The following PLXNA4 variants were observed in gnomAD, a reference collection of about 807,000 sequenced individuals.
PLXNA4 encodes the protein plexin-A4.
In PLXNA4, 44 loss-of-function variants were observed where a neutral mutation model predicts 191.8. The observed-to-expected ratio is 0.23, with a 90% CI of 0.18 to 0.29. The LOEUF is 0.29. Among genes scored for constraint, PLXNA4 ranks in the 10% least tolerant of loss-of-function variants. PLXNA4 has a pLI of 1.00. For missense variants in PLXNA4, 1,800 were observed against 2,488.8 expected, an observed-to-expected ratio of 0.72 and a Z score of 5.89; for synonymous variants, 1,082 against 1,009.5, an observed-to-expected ratio of 1.07 and a Z score of -1.36.
chr7:132,420,921 T>C (rs1374830088), intron 3 of PLXNA4, among the ~76,000 whole-genome samples: 1 of 152,220 alleles, frequency 6.6e-6, no homozygotes, highest in Non-Finnish European at 1.5e-5. Flanking sequence ...TTTTGAGGTC[T>C]CCCCAGCCAT....
chr7:132,371,553 T>C (rs769343702), intron 3 of PLXNA4, among the ~76,000 whole-genome samples: 2 of 151,834 alleles, frequency 1.3e-5, no homozygotes, highest in Non-Finnish European at 2.9e-5. Context: ...CCCCTAGGAG[T>C]TCATAAAACT....
At chr7:132,525,728 A>T (rs1034474680) in intron 1 of PLXNA4, among the ~76,000 whole-genome samples, 2 of 152,162 alleles carry the variant, frequency 1.3e-5, no homozygotes, top group South Asian at 4.1e-4. Flanking sequence ...CTCCAGACCC[A>T]CAGGATTATA....
chr7:132,260,727 G>A (rs772408891), intron 4 of PLXNA4, among the ~76,000 whole-genome samples: 1 of 152,080 alleles, frequency 6.6e-6, no homozygotes, highest in Non-Finnish European at 1.5e-5. Context: ...GGTTGTGGGA[G>A]TGGAGAGGGA....
chr7:132,220,682 G>T (rs910769506), intron 9 of PLXNA4, among the ~76,000 whole-genome samples: 1 of 152,014 alleles, frequency 6.6e-6, no homozygotes, highest in Non-Finnish European at 1.5e-5. Flanking sequence ...TGAATCCCCA[G>T]CAGTCTTTGC....
chr7:132,341,166 T>C (rs1413433055), intron 3 of PLXNA4, among the ~76,000 whole-genome samples: 1 of 152,196 alleles, frequency 6.6e-6, no homozygotes, highest in Non-Finnish European at 1.5e-5. Flanking sequence ...CTGAATTCTA[T>C]CTGAGGATAA....
intron 4 of PLXNA4, among the ~76,000 whole-genome samples, chr7:132,266,823 C>A (rs551815654): frequency 1.3e-5 from 2 of 152,330 alleles, no homozygotes; most frequent in African/African-American, 4.8e-5. Flanking sequence ...AGGGTACAGT[C>A]TGGTCATCAA....
At chr7:132,486,761 C>T (rs923572207) in intron 3 of PLXNA4, among the ~76,000 whole-genome samples, 4 of 152,184 alleles carry the variant, frequency 2.6e-5, no homozygotes, top group East Asian at 1.9e-4. Context: ...ATGGGAATGC[C>T]GGCCGCGGTT....
intron 3 of PLXNA4, among the ~76,000 whole-genome samples, chr7:132,437,263 C>T (rs1795506859): frequency 6.6e-6 from 1 of 152,166 alleles, no homozygotes; most frequent in African/African-American, 2.4e-5. Context: ...GAACATGGCG[C>T]ATAGGAAGAT....
intron 14 of PLXNA4, among the ~76,000 whole-genome samples, chr7:132,191,593 C>T (rs963074255): frequency 7.2e-5 from 11 of 152,192 alleles, no homozygotes; most frequent in African/African-American, 2.4e-4. Flanking sequence ...TTCAGGATCA[C>T]TGCCAAGAAC....
intron 16 of PLXNA4, among the ~76,000 whole-genome samples, chr7:132,182,887 C>G (rs76014359): frequency 6.6e-6 from 1 of 152,074 alleles, no homozygotes; most frequent in Non-Finnish European, 1.5e-5. Flanking sequence ...TCTTGTGTAA[C>G]CTTTCAAAAG....
At chr7:132,178,178 T>C (rs888834707) in intron 20 of PLXNA4, among the ~76,000 whole-genome samples, 1 of 152,184 alleles carries the variant, frequency 6.6e-6, no homozygotes, top group Non-Finnish European at 1.5e-5. Context: ...CTTACCTTCC[T>C]GCTAGAGGAA....
intron 3 of PLXNA4, among the ~76,000 whole-genome samples, chr7:132,448,482 T>C (rs1427331800): frequency 3.9e-5 from 6 of 152,174 alleles, no homozygotes; most frequent in Admixed American, 6.5e-5. Flanking sequence ...GGGTGCCCAG[T>C]CATGTGGTCA....
chr7:132,454,039 G>A (rs1796225507), intron 3 of PLXNA4, among the ~76,000 whole-genome samples: 1 of 152,196 alleles, frequency 6.6e-6, no homozygotes, highest in Non-Finnish European at 1.5e-5. Context: ...TCTGGTGTGG[G>A]CAACAGCCTA....
At chr7:132,479,495 C>T (rs1283379425) in intron 3 of PLXNA4, among the ~76,000 whole-genome samples, 1 of 152,158 alleles carries the variant, frequency 6.6e-6, no homozygotes, top group Non-Finnish European at 1.5e-5. Flanking sequence ...TGCAGCTGTG[C>T]CATAACACAG....
intron 3 of PLXNA4, among the ~76,000 whole-genome samples, chr7:132,377,211 G>GA (rs1008967331): frequency 5.9e-5 from 9 of 152,092 alleles, no homozygotes; most frequent in African/African-American, 1.7e-4. Flanking sequence ...GACCCAGTTG[G>GA]AAAAAACCCA....
chr7:132,327,340 A>G (rs541513169), intron 3 of PLXNA4, among the ~76,000 whole-genome samples: 45 of 152,000 alleles, frequency 3.0e-4, no homozygotes, highest in Non-Finnish European at 5.1e-4. Flanking sequence ...GTACTGAGAA[A>G]TAAGTTAGTC....
intron 3 of PLXNA4, among the ~76,000 whole-genome samples, chr7:132,358,023 T>C (rs1803781021): frequency 6.6e-6 from 1 of 152,222 alleles, no homozygotes; most frequent in South Asian, 2.1e-4. Context: ...AATATATTTT[T>C]TTCCCAGCCA....
chr7:132,302,609 A>C (rs573786317), intron 3 of PLXNA4, among the ~76,000 whole-genome samples: 1 of 151,694 alleles, frequency 6.6e-6, no homozygotes, highest in African/African-American at 2.4e-5. Context: ...AAGATTTCAT[A>C]GAAAAACAGA....
At chr7:132,204,411 T>A (rs1364608778) in intron 10 of PLXNA4, among the ~76,000 whole-genome samples, 3 of 152,218 alleles carry the variant, frequency 2.0e-5, no homozygotes, top group African/African-American at 7.2e-5. Flanking sequence ...TCCAGCCGAC[T>A]CTGCTCGCCA....
Sources: gnomAD v4.1 joint callset for allele counts (sites outside exome capture counted in the v4.1 genomes callset) on GRCh38, gnomAD v4.1.1 for gene constraint, MANE v1.5 for transcripts, NCBI Gene and HGNC (gene_info 2026-07-23, HGNC 2026-07-21) for gene names.